Variants in PFKFB3 observed in about 807,000 individuals in gnomAD.
The protein encoded by PFKFB3 is 6-phosphofructo-2-kinase/fructose-2,6-bisphosphatase 3.
Under a neutral mutation model 68.0 loss-of-function variants are expected in PFKFB3, and 33 were observed. That is an observed-to-expected ratio of 0.49 (90% CI 0.37 to 0.65). The LOEUF (loss-of-function observed/expected upper bound fraction) is 0.65. PFKFB3 is among the 30% of genes least tolerant of loss of function. The pLI, the probability that PFKFB3 is intolerant of heterozygous loss-of-function variation, is 0.00. For missense variants in PFKFB3, 586 were observed against 712.2 expected (o/e 0.82, Z 2.02); for synonymous variants, 315 against 288.2 (o/e 1.09, Z -0.94).
chr10:6,256,455 TG>T (rs1588574026), downstream of PFKFB3, among the ~76,000 whole-genome samples: 1 of 152,182 alleles, frequency 6.6e-6, no homozygotes, highest in East Asian at 1.9e-4. Context: ...AGGCTCTACA[TG>T]GTCCCCAGCT....
intron 6 of PFKFB3, among the ~76,000 whole-genome samples, chr10:6,218,748 T>C (rs1054639332): frequency 1.3e-5 from 2 of 152,160 alleles, no homozygotes; most frequent in Admixed American, 1.3e-4. Flanking sequence ...AGCTATTTTT[T>C]AAGTGTGCAG....
At chr10:6,211,424 A>G (rs2765824) in intron 1 of PFKFB3, among the ~76,000 whole-genome samples, 148,061 of 152,310 alleles carry the variant, frequency 0.97, 72,099 homozygotes, top group East Asian at 1. Context: ...GCAGCGGTGC[A>G]GTGGGGACAC....
At chr10:6,303,685 C>T in the PFKFB3 span, among the ~76,000 whole-genome samples, 2 of 150,758 alleles carry the variant, frequency 1.3e-5, no homozygotes, top group Non-Finnish European at 3.0e-5. Flanking sequence ...TGGTGGCAGG[C>T]GCTACTCGGG....
the PFKFB3 span, among the ~76,000 whole-genome samples, chr10:6,318,472 A>AG: frequency 1.3e-5 from 2 of 152,186 alleles, no homozygotes; most frequent in African/African-American, 4.8e-5. Context: ...CTTCTTCCCC[A>AG]GGGGGTAGAG....
Position 6,221,552 on chromosome 10 carries a change from A to G in PFKFB3, c.978+25A>G, listed in dbSNP as rs372792710. On this transcript the variant is annotated intron_variant, in intron 9 of 14. Transcript: ENST00000379775. Reference sequence around the variant, plus strand: ...GGTGAGTCCTGGGAGGCGGGCAGGCAGCCTCACCCTCGGGCATGGGGCGGC... The same window carrying G: ...GGTGAGTCCTGGGAGGCGGGCAGGCGGCCTCACCCTCGGGCATGGGGCGGC... The G allele has an allele frequency of 1.6e-5, 25 of 1,612,588 alleles. No homozygotes were observed. The African/African-American group carries it at 3.1e-4, about 20-fold the overall frequency.
the PFKFB3 span, among the ~76,000 whole-genome samples, chr10:6,262,030 A>C: frequency 5.6e-4 from 85 of 150,960 alleles, no homozygotes; most frequent in East Asian, 0.011. Context: ...AAAAAAAAAA[A>C]CACAAAAAAC....
chr10:6,182,556 T>A (rs1842746686), intron 1 of PFKFB3, among the ~76,000 whole-genome samples: 2 of 152,174 alleles, frequency 1.3e-5, no homozygotes, highest in South Asian at 2.1e-4. Flanking sequence ...GCCAGCACTG[T>A]GTTTCATCAC....
chr10:6,192,191 TGAG>T (rs577667989), intron 1 of PFKFB3, among the ~76,000 whole-genome samples: 236 of 134,096 alleles, frequency 1.8e-3, no homozygotes, highest in African/African-American at 6.5e-3. Flanking sequence ...CACAGCTTTC[TGAG>T]GAGGAGTACA....
At chr10:6,174,402 G>A (rs1229988762) in intron 1 of PFKFB3, among the ~76,000 whole-genome samples, 1 of 152,178 alleles carries the variant, frequency 6.6e-6, no homozygotes, top group East Asian at 1.9e-4. Context: ...GCCTCGCGGT[G>A]CCCCCACACC....
intron 1 of PFKFB3, among the ~76,000 whole-genome samples, chr10:6,212,870 G>T (rs1844320486): frequency 6.6e-6 from 1 of 152,120 alleles, no homozygotes; most frequent in Admixed American, 6.5e-5. Flanking sequence ...CCTCTGTGTG[G>T]AGGTTTGGAT....
At chr10:6,183,915 C>T (rs1842796159) in intron 1 of PFKFB3, among the ~76,000 whole-genome samples, 1 of 151,798 alleles carries the variant, frequency 6.6e-6, no homozygotes, top group Non-Finnish European at 1.5e-5. Context: ...TGGTCTTGAT[C>T]TCCTGACCTC....
intron 14 of PFKFB3, chr10:6,254,113 T>TC (rs1846446471): frequency 2.6e-6 from 1 of 389,138 alleles, no homozygotes; most frequent in South Asian, 1.4e-4. Flanking sequence ...TTTTTTTTTT[T>TC]TTCTCTTTAG....
the PFKFB3 span, among the ~76,000 whole-genome samples, chr10:6,266,753 G>A: frequency 2.0e-5 from 3 of 152,170 alleles, no homozygotes; most frequent in Non-Finnish European, 4.4e-5. Context: ...GTAGGACTCC[G>A]TTTTCAAAAT....
rs571815453 is a variant in PFKFB3 at position 6,210,517 on chromosome 10, T to C, written c.77-3106T>C. Among the ~76,000 whole-genome samples, 35 of 113,734 alleles carry C rather than the reference T, an allele frequency of 3.1e-4. 8 individuals carry two copies. In the South Asian group the frequency reaches 3.4e-3, roughly 11 times the overall value. The allele number at this position is 113,734 out of a possible 152,430, so 74.6% of individuals were successfully genotyped here. On this transcript the variant is annotated intron_variant, in intron 1 of 14. Transcript: ENST00000379775. ...CTGGGACTACAGGCGCCCGCCAACA[T>C]GGCCGGCTAATTTTTTGTGTTTTTA... is the stretch of plus-strand genomic sequence containing the variant.
intron 1 of PFKFB3, among the ~76,000 whole-genome samples, chr10:6,183,789 G>T (rs561647489): frequency 6.6e-6 from 1 of 150,614 alleles, no homozygotes; most frequent in South Asian, 2.1e-4. Context: ...CCGGGTTCAC[G>T]CCATTCTCCT....
At chr10:6,164,696 C>T (rs920104379) in intron 1 of PFKFB3, among the ~76,000 whole-genome samples, 8 of 152,148 alleles carry the variant, frequency 5.3e-5, no homozygotes, top group South Asian at 4.2e-4. Context: ...AGCAGGGCAA[C>T]AGGTGGGGAG....
chr10:6,213,796 C>G, intron 2 of PFKFB3, 48 bp downstream of exon 2: 1 of 1,589,176 alleles, frequency 6.3e-7, no homozygotes, highest in East Asian at 2.3e-5. Flanking sequence ...AAAAACTTGA[C>G]CTTCCATCTC....
chr10:6,280,054 A>G, the PFKFB3 span, among the ~76,000 whole-genome samples: 1 of 152,142 alleles, frequency 6.6e-6, no homozygotes, highest in Non-Finnish European at 1.5e-5. Context: ...CAGCGGACAC[A>G]CCTGGCTCGT....
At chr10:6,279,670 G>A in the PFKFB3 span, among the ~76,000 whole-genome samples, 12 of 152,234 alleles carry the variant, frequency 7.9e-5, no homozygotes, top group East Asian at 2.1e-3. Context: ...AGAACCTCCC[G>A]CCAGACAGCA....
Sources: allele counts gnomAD v4.1 joint callset (sites outside exome capture counted in the v4.1 genomes callset), GRCh38; gene constraint gnomAD v4.1.1; transcripts MANE v1.5; gene names NCBI Gene and HGNC (gene_info 2026-07-23, HGNC 2026-07-21).